Variants in MYO1E observed in about 807,000 individuals in gnomAD.
MYO1E encodes unconventional myosin-Ie.
MYO1E carries 68 observed loss-of-function variants against 151.1 expected under a neutral mutation model. The ratio of observed to expected loss-of-function variants is 0.45; its 90% CI spans 0.37 to 0.55. The LOEUF (loss-of-function observed/expected upper bound fraction) is 0.55. Among genes scored for constraint, MYO1E ranks in the 20% least tolerant of loss-of-function variants. MYO1E has a pLI of 0.00. For synonymous variants in MYO1E, 601 were observed against 501.7 expected, an observed-to-expected ratio of 1.20 and a Z score of -2.64; for missense variants, 1,363 against 1,389.3, an observed-to-expected ratio of 0.98 and a Z score of 0.30.
intron 13 of MYO1E, among the ~76,000 whole-genome samples, chr15:59,209,659 G>A (rs113150902): frequency 0.094 from 14,283 of 151,678 alleles, 907 homozygotes; most frequent in African/African-American, 0.18. Context: ...CTGGGCAACC[G>A]AGCGAGACGT....
chr15:59,165,415 A>G (rs1334040875), intron 22 of MYO1E, among the ~76,000 whole-genome samples: 1 of 152,174 alleles, frequency 6.6e-6, no homozygotes, highest in African/African-American at 2.4e-5. Flanking sequence ...GACAAATAAT[A>G]GCCATTTGGG....
In MYO1E at chr15:59,178,452, T is replaced by C. The variant is rs781640480; in HGVS notation, c.1990A>G (p.Met664Val). 15 of 1,614,102 alleles carry C rather than the reference T, an allele frequency of 9.3e-6. No homozygotes were observed. Among genetic ancestry groups the C allele is most frequent in the Non-Finnish European group, 9.3e-6 (11 of 1,180,046 alleles). The change falls in exon 19 of 28, where the codon ATG becomes GTG. Residue 664 changes from methionine to valine, a missense_variant. Physicochemically the swap from Met to Val is conservative, Grantham distance 21. Transcript: ENST00000288235. Reference sequence around the variant, plus strand: ...CCCAGCTGGAACTGGTCGCTGTCCATGTTGACCGACTGCAGCAGGTGCAGG... The same window carrying C: ...CCCAGCTGGAACTGGTCGCTGTCCACGTTGACCGACTGCAGCAGGTGCAGG... ...GVLHLLQSVN[M>V]DSDQFQLGRS...
chr15:59,206,337 G>A (rs2079833626), intron 14 of MYO1E, among the ~76,000 whole-genome samples: 1 of 152,160 alleles, frequency 6.6e-6, no homozygotes, highest in Non-Finnish European at 1.5e-5. Flanking sequence ...TTTAGTGCTG[G>A]AGTGACTCCC....
chr15:59,190,893 G>A (rs1340101251), intron 17 of MYO1E, among the ~76,000 whole-genome samples: 1 of 152,166 alleles, frequency 6.6e-6, no homozygotes, highest in African/African-American at 2.4e-5. Context: ...CCTGGGCCTG[G>A]AGGGGCGAGT....
intron 5 of MYO1E, among the ~76,000 whole-genome samples, chr15:59,234,596 G>C (rs760065817): frequency 5.9e-5 from 9 of 152,122 alleles, no homozygotes; most frequent in Non-Finnish European, 8.8e-5. Context: ...CAGGTGGGTG[G>C]ATCGCTTCAG....
chr15:59,195,619 A>G, intron 16 of MYO1E, 52 bp from the exon 17 acceptor site: 1 of 1,485,680 alleles, frequency 6.7e-7, no homozygotes, highest in Non-Finnish European at 9.4e-7. Context: ...AAAGAAGACC[A>G]AATTTCAAAG....
At chr15:59,205,522 CA>C in intron 14 of MYO1E, 37 bp from the exon 15 acceptor site, 1 of 1,542,758 alleles carries the variant, frequency 6.5e-7, no homozygotes, top group African/African-American at 1.4e-5. Context: ...TTTCATTGAA[CA>C]AAATGTAATT....
chr15:59,331,636 A>G (rs978422260), intron 1 of MYO1E, among the ~76,000 whole-genome samples: 1 of 152,224 alleles, frequency 6.6e-6, no homozygotes, highest in East Asian at 1.9e-4. Flanking sequence ...CAAAAATACT[A>G]AGATGGAAAG....
At chr15:59,370,672 G>A (rs1325948137) in intron 1 of MYO1E, among the ~76,000 whole-genome samples, 1 of 152,182 alleles carries the variant, frequency 6.6e-6, no homozygotes, top group Non-Finnish European at 1.5e-5. Context: ...CATCTGCAAT[G>A]GGGCTGAATT....
At chr15:59,330,516 T>C (rs2080691833) in intron 1 of MYO1E, among the ~76,000 whole-genome samples, 1 of 152,252 alleles carries the variant, frequency 6.6e-6, no homozygotes, top group Non-Finnish European at 1.5e-5. Context: ...GTCAGGTTTT[T>C]GCCTAAGTCA....
At chr15:59,148,208 G>A (rs1212985305) in intron 26 of MYO1E, among the ~76,000 whole-genome samples, 1 of 152,076 alleles carries the variant, frequency 6.6e-6, no homozygotes, top group Non-Finnish European at 1.5e-5. Context: ...GACAAGCCTG[G>A]GGTAGCACAT....
At chr15:59,158,035 C>T (rs574655815) in intron 25 of MYO1E, among the ~76,000 whole-genome samples, 1 of 152,328 alleles carries the variant, frequency 6.6e-6, no homozygotes, top group Non-Finnish European at 1.5e-5. Flanking sequence ...AGAAGCCTTT[C>T]CTAAGGGAGT....
At chr15:59,309,434 T>C (rs2080536184) in intron 1 of MYO1E, among the ~76,000 whole-genome samples, 1 of 152,248 alleles carries the variant, frequency 6.6e-6, no homozygotes, top group Non-Finnish European at 1.5e-5. Context: ...AAGATTGCTG[T>C]GTAAACTAAA....
intron 1 of MYO1E, among the ~76,000 whole-genome samples, chr15:59,307,870 A>G (rs1013012976): frequency 2.1e-4 from 32 of 151,072 alleles, no homozygotes; most frequent in Non-Finnish European, 4.1e-4. Context: ...TCAGCCTCCC[A>G]AAGTGCTGGG....
At chr15:59,246,528 C>A (rs887405588) in intron 4 of MYO1E, among the ~76,000 whole-genome samples, 3 of 152,194 alleles carry the variant, frequency 2.0e-5, no homozygotes, top group South Asian at 2.1e-4. Flanking sequence ...GAAAGTCATA[C>A]GTCGGCTTCC....
chr15:59,266,257 C>G (rs534204079), intron 2 of MYO1E, among the ~76,000 whole-genome samples: 1 of 152,106 alleles, frequency 6.6e-6, no homozygotes, highest in Non-Finnish European at 1.5e-5. Flanking sequence ...TGGGAAAAGC[C>G]GTTCGGATCA....
rs114260452 is a variant in MYO1E at position 59,303,818 on chromosome 15, C to T, written c.4-31369G>A. Among the ~76,000 whole-genome samples, 345 of 152,164 alleles carry T rather than the reference C, an allele frequency of 2.3e-3. 1 individual carries two copies. The highest frequency in any genetic ancestry group is 7.5e-3 in the African/African-American group (313 of 41,498). ...TCAAAAGCTACTTGTTCTACTGAGT[C>T]GGCAGTGTAGGACTCTCTTCTGATA... On this transcript the variant is annotated intron_variant, in intron 1 of 27. Coordinates refer to ENST00000288235, the MANE Select transcript of MYO1E (RefSeq NM_004998.4).
chr15:59,155,415 C>A (rs2079504233), intron 25 of MYO1E, among the ~76,000 whole-genome samples: 1 of 152,130 alleles, frequency 6.6e-6, no homozygotes, highest in Non-Finnish European at 1.5e-5. Flanking sequence ...TTTTTTAAAA[C>A]CCCCTGAAAA....
chr15:59,352,146 A>G (rs758855541), intron 1 of MYO1E, among the ~76,000 whole-genome samples: 1 of 152,214 alleles, frequency 6.6e-6, no homozygotes, highest in Non-Finnish European at 1.5e-5. Flanking sequence ...CTCCTTAAGG[A>G]TAGCTGGACT....
Sources: allele counts gnomAD v4.1 joint callset (sites outside exome capture counted in the v4.1 genomes callset), GRCh38; gene constraint gnomAD v4.1.1; transcripts MANE v1.5; gene names NCBI Gene and HGNC (gene_info 2026-07-23, HGNC 2026-07-21).